The following VIT variants were observed in gnomAD, a reference collection of about 807,000 sequenced individuals.
The protein encoded by VIT is vitrin.
Under a neutral mutation model 78.0 loss-of-function variants are expected in VIT, and 99 were observed. The observed-to-expected ratio is 1.27, with a 90% CI of 1.08 to 1.50. VIT has a LOEUF of 1.50. Among genes scored for constraint, VIT ranks in the 40% most tolerant of loss-of-function variants. The pLI is 0.00. For synonymous variants in VIT, 374 were observed against 334.3 expected, an observed-to-expected ratio of 1.12 and a Z score of -1.29; for missense variants, 1,126 against 875.3, an observed-to-expected ratio of 1.29 and a Z score of -3.61.
intron 3 of VIT, among the ~76,000 whole-genome samples, chr2:36,733,815 A>G (rs778142018): frequency 2.6e-5 from 4 of 152,188 alleles, no homozygotes; most frequent in African/African-American, 4.8e-5. Context: ...TTTAGAAAAC[A>G]TCCTAAGAGG....
intron 6 of VIT, among the ~76,000 whole-genome samples, chr2:36,765,376 G>A (rs60801682): frequency 0.022 from 3,369 of 151,362 alleles, 94 homozygotes; most frequent in African/African-American, 0.065. Flanking sequence ...TACAATCATG[G>A]CAGAAGGGGA....
chr2:36,699,003 A>AG (rs1248737686), intron 1 of VIT, among the ~76,000 whole-genome samples: 1 of 151,400 alleles, frequency 6.6e-6, no homozygotes, highest in Admixed American at 6.6e-5. Context: ...CACATATTAA[A>AG]AAAAAAAAGA....
intron 6 of VIT, among the ~76,000 whole-genome samples, chr2:36,761,749 GAAAA>G (rs1319476510): frequency 6.6e-6 from 1 of 151,544 alleles, no homozygotes; most frequent in Non-Finnish European, 1.5e-5. Flanking sequence ...AAAAAAAAAA[GAAAA>G]AAGAAAGGAG....
At chr2:36,749,218 G>T (rs1668314323) in intron 4 of VIT, among the ~76,000 whole-genome samples, 1 of 152,160 alleles carries the variant, frequency 6.6e-6, no homozygotes, top group Admixed American at 6.6e-5. Context: ...ATGTTACCAA[G>T]GAAGGCCCAA....
intron 15 of VIT, among the ~76,000 whole-genome samples, chr2:36,811,796 C>T (rs1224625961): frequency 6.6e-6 from 1 of 151,908 alleles, no homozygotes; most frequent in East Asian, 1.9e-4. Context: ...CCTCAGTCTC[C>T]CGAGTAGCTG....
chr2:36,801,167 G>C (rs1221806837), intron 12 of VIT, 134 bp from the exon 13 acceptor site: 1 of 803,158 alleles, frequency 1.2e-6, no homozygotes, highest in African/African-American at 1.7e-5. Context: ...TCCACAATGG[G>C]ACATTTTACA....
chr2:36,799,664 C>T (rs563168322), intron 12 of VIT, among the ~76,000 whole-genome samples: 1 of 151,506 alleles, frequency 6.6e-6, no homozygotes, highest in East Asian at 1.9e-4. Context: ...CTGCAGTGAG[C>T]CAAGATGGGG....
chr2:36,796,086 C>T (rs987914745), intron 12 of VIT, among the ~76,000 whole-genome samples: 5 of 143,382 alleles, frequency 3.5e-5, no homozygotes, highest in South Asian at 2.2e-4. Flanking sequence ...CCTAAACTTA[C>T]GAATTCATGA....
chr2:36,792,500 A>G (rs1205332714), intron 12 of VIT, among the ~76,000 whole-genome samples: 1 of 151,818 alleles, frequency 6.6e-6, no homozygotes, highest in Non-Finnish European at 1.5e-5. Context: ...TCACACATCC[A>G]CTGGGTTTAT....
intron 11 of VIT, among the ~76,000 whole-genome samples, chr2:36,786,312 A>G (rs1665090719): frequency 6.6e-6 from 1 of 152,210 alleles, no homozygotes; most frequent in Non-Finnish European, 1.5e-5. Context: ...CTGAATAGTC[A>G]GTTTTATACT....
chr2:36,794,890 A>G (rs539633939), intron 12 of VIT, among the ~76,000 whole-genome samples: 67 of 152,330 alleles, frequency 4.4e-4, no homozygotes, highest in Non-Finnish European at 9.4e-4. Context: ...CTATTCATTC[A>G]TTATATGAGT....
At chr2:36,750,835 GAAA>G (rs562824484) in intron 4 of VIT, among the ~76,000 whole-genome samples, 57 of 150,186 alleles carry the variant, frequency 3.8e-4, no homozygotes, top group African/African-American at 1.3e-3. Flanking sequence ...AAAAAAAGAA[GAAA>G]AAAAAATAAC....
At chr2:36,768,002 G>T (rs1221835317) in intron 7 of VIT, among the ~76,000 whole-genome samples, 1 of 152,160 alleles carries the variant, frequency 6.6e-6, no homozygotes, top group African/African-American at 2.4e-5. Context: ...TTTCCTTCCA[G>T]GAGGAAGTGC....
At chr2:36,711,290 G>A (rs1281871835) in intron 1 of VIT, among the ~76,000 whole-genome samples, 1 of 152,178 alleles carries the variant, frequency 6.6e-6, no homozygotes, top group Non-Finnish European at 1.5e-5. Context: ...TTGACAAAGT[G>A]CATTCTTCTC....
chr2:36,726,058 G>A (rs1666825174), intron 2 of VIT, among the ~76,000 whole-genome samples: 2 of 143,640 alleles, frequency 1.4e-5, no homozygotes, highest in Admixed American at 6.9e-5. Context: ...GACAGAGCGA[G>A]ACTCTGTCTC....
At chr2:36,803,982 G>A (rs910485184) in intron 13 of VIT, among the ~76,000 whole-genome samples, 9 of 152,122 alleles carry the variant, frequency 5.9e-5, no homozygotes, top group African/African-American at 1.7e-4. Context: ...TAGGGTGAAC[G>A]GTCATCCCAG....
intron 11 of VIT, among the ~76,000 whole-genome samples, chr2:36,784,993 A>G (rs755960296): frequency 3.1e-4 from 47 of 152,250 alleles, no homozygotes; most frequent in Non-Finnish European, 6.0e-4. Flanking sequence ...AGACCTAACT[A>G]TAAGATGAAT....
At chr2:36,765,435 A>AGAGCGAGAG in intron 6 of VIT, among the ~76,000 whole-genome samples, 1 of 135,382 alleles carries the variant, frequency 7.4e-6, no homozygotes, top group South Asian at 2.4e-4. Context: ...GAGAGAGAGA[A>AGAGCGAGAG]AGAGAGAGAG....
intron 12 of VIT, among the ~76,000 whole-genome samples, chr2:36,791,064 C>T (rs1025601985): frequency 1.3e-5 from 2 of 152,192 alleles, no homozygotes; most frequent in South Asian, 4.1e-4. Context: ...AACATAATTG[C>T]ACACGTTCTT....
Sources: allele counts gnomAD v4.1 joint callset (sites outside exome capture counted in the v4.1 genomes callset), GRCh38; gene constraint gnomAD v4.1.1; transcripts MANE v1.5; gene names NCBI Gene and HGNC (gene_info 2026-07-23, HGNC 2026-07-21).